The following POGLUT1 variants were observed in gnomAD, a reference collection of about 807,000 sequenced individuals.
POGLUT1 encodes the protein 9630046K23Rik.
In POGLUT1, 32 loss-of-function variants were observed where a neutral mutation model predicts 61.3. The observed-to-expected ratio is 0.52, with a 90% confidence interval of 0.39 to 0.70. POGLUT1 has a LOEUF of 0.70. Among genes scored for constraint, POGLUT1 ranks in the 30% least tolerant of loss-of-function variants. The pLI, the probability that POGLUT1 is intolerant of heterozygous loss-of-function variation, is 0.00. For missense variants in POGLUT1, 411 were observed against 469.8 expected (o/e 0.87, Z 1.16); for synonymous variants, 158 against 158.2 (o/e 1.00, Z 0.01).
chr3:119,481,320 T>C (rs755303803), intron 5 of POGLUT1, among the ~76,000 whole-genome samples: 20 of 152,180 alleles, frequency 1.3e-4, no homozygotes, highest in Non-Finnish European at 2.2e-4. Flanking sequence ...GAATTTAGAT[T>C]GTGTAGCTCA....
chr3:119,490,254 C>T, intron 8 of POGLUT1: 1 of 301,548 alleles, frequency 3.3e-6, no homozygotes, highest in Non-Finnish European at 6.2e-6. Flanking sequence ...TCCTTCTGAG[C>T]CCTGTATACA....
At chr3:119,486,735 G>A in intron 6 of POGLUT1, 98 bp from the exon 7 acceptor site, 1 of 813,656 alleles carries the variant, frequency 1.2e-6, no homozygotes, top group Non-Finnish European at 2.1e-6. Context: ...CTTGTGCAGA[G>A]TCATTGCATT....
At chr3:119,481,675 C>G (rs111663422) in intron 5 of POGLUT1, among the ~76,000 whole-genome samples, 4,078 of 152,272 alleles carry the variant, frequency 0.027, 93 homozygotes, top group Middle Eastern at 0.085. Context: ...AGAACTGGAA[C>G]TAGAAATTGT....
intron 3 of POGLUT1, among the ~76,000 whole-genome samples, chr3:119,472,218 T>G (rs2081482868): frequency 6.6e-6 from 1 of 151,076 alleles, no homozygotes; most frequent in Admixed American, 6.6e-5. Context: ...TTTTTTTAAC[T>G]CAGATCTTTA....
chr3:119,492,333 C>T lies in POGLUT1; in HGVS notation c.1074C>T (p.Tyr358=), dbSNP rs764064037. The change falls in exon 11 of 11, where the codon TAC becomes TAT. Residue 358 remains tyrosine, a synonymous_variant. Transcript: ENST00000295588. ...NHLQMDDITC[Y]WENLLSEYSK... ...TGCAGATGGATGACATCACCTGTTA[C>T]TGGGAGAACCTCTTGAGTGAATACT... 1.2e-6 allele frequency: 2 copies of T among 1,610,166 alleles called. No homozygotes were observed. The highest frequency in any genetic ancestry group is 2.2e-5 in the South Asian group (2 of 90,806).
At chr3:119,473,118 A>G (rs1316570523) in intron 3 of POGLUT1, among the ~76,000 whole-genome samples, 2 of 152,224 alleles carry the variant, frequency 1.3e-5, no homozygotes, top group East Asian at 1.9e-4. Context: ...CCCTTTGGCT[A>G]TCAGATATCG....
Position 119,468,975 on chromosome 3 carries a change from G to A in POGLUT1, c.-47G>A. The A allele has an allele frequency of 6.5e-7, 1 of 1,533,290 alleles. No individual in the cohort carries two copies. Among genetic ancestry groups the A allele is most frequent in the Non-Finnish European group, 8.9e-7 (1 of 1,126,640 alleles). 95.0% of individuals were successfully genotyped at this position (1,533,290 alleles called of 1,614,324 possible). On this transcript the variant is annotated 5_prime_UTR_variant, in exon 1 of 11. Coordinates refer to ENST00000295588, the MANE Select transcript of POGLUT1 (RefSeq NM_152305.3). ...CCGGGCCATCTTTGTGCGGGGCCGC[G>A]CTTCCGCCAGCGCCGCAGCGGGGAA...
chr3:119,473,187 C>G (rs756404898), intron 3 of POGLUT1, among the ~76,000 whole-genome samples: 1 of 152,160 alleles, frequency 6.6e-6, no homozygotes, highest in Non-Finnish European at 1.5e-5. Context: ...ACATTTGTTT[C>G]ATTATTTGGA....
intron 8 of POGLUT1, chr3:119,490,085 TG>T (rs1410323717): frequency 6.4e-6 from 1 of 157,018 alleles, no homozygotes; most frequent in Non-Finnish European, 1.4e-5. Context: ...TTCGACCAGA[TG>T]GGGTACACTA....
intron 4 of POGLUT1, among the ~76,000 whole-genome samples, chr3:119,479,258 A>T (rs1480650464): frequency 6.6e-6 from 1 of 152,064 alleles, no homozygotes; most frequent in African/African-American, 2.4e-5. Context: ...ATATGTGATA[A>T]CACCCCTTCT....
chr3:119,483,655 T>TAGG (rs1202784060), intron 5 of POGLUT1, among the ~76,000 whole-genome samples: 1 of 152,232 alleles, frequency 6.6e-6, no homozygotes, highest in Non-Finnish European at 1.5e-5. Flanking sequence ...TGACCTCTGT[T>TAGG]ACATAGAGCA....
At chr3:119,478,425 T>G (rs2081565948) in intron 4 of POGLUT1, 3 of 456,570 alleles carry the variant, frequency 6.6e-6, no homozygotes, top group Non-Finnish European at 1.3e-5. Context: ...AGTGTTTGGT[T>G]CCATTGTTTG....
intron 5 of POGLUT1, among the ~76,000 whole-genome samples, chr3:119,484,738 A>G (rs1216174771): frequency 6.6e-6 from 1 of 152,210 alleles, no homozygotes; most frequent in Non-Finnish European, 1.5e-5. Flanking sequence ...CAAATTATAA[A>G]CAGACCTAAT....
intron 3 of POGLUT1, among the ~76,000 whole-genome samples, chr3:119,472,201 T>G (rs2081482141): frequency 6.7e-6 from 1 of 149,576 alleles, no homozygotes; most frequent in Admixed American, 6.7e-5. Flanking sequence ...TTTTGGAGTT[T>G]GTTTTTTTTT....
intron 1 of POGLUT1, 72 bp from the exon 2 acceptor site, chr3:119,469,748 T>A: frequency 3.9e-6 from 3 of 759,878 alleles, no homozygotes; most frequent in Non-Finnish European, 7.0e-6. Context: ...TTCTGTTTCT[T>A]CTGTTGGTGT....
rs550944082 is a variant in POGLUT1, at chr3:119,486,893, T to C, written c.699T>C (p.Asp233=). Residue 233 remains aspartate, a synonymous_variant, in exon 7 of 11, where the codon GAT becomes GAC. Transcript: ENST00000295588. ...CTCGGAAAAACCCAAAACTTGTTGA[T>C]GCAGAATACACCAAAAACCAGGCCT... ...LLSRKNPKLV[D]AEYTKNQAWK... 6 of 1,613,746 alleles carry C rather than the reference T, an allele frequency of 3.7e-6. 1 individual carries two copies. In the African/African-American group the frequency reaches 4.0e-5, roughly 11 times the overall value.
chr3:119,481,493 C>T (rs1375681412), intron 5 of POGLUT1, among the ~76,000 whole-genome samples: 3 of 152,234 alleles, frequency 2.0e-5, no homozygotes, highest in Non-Finnish European at 2.9e-5. Context: ...CCTATCACCT[C>T]TCCCAAGTGT....
intron 7 of POGLUT1, chr3:119,488,397 G>C (rs2081697454): frequency 6.6e-6 from 1 of 152,080 alleles, no homozygotes. Flanking sequence ...GTTAATAAGA[G>C]CCCAGTTTGC....
At position 119,469,559 on chromosome 3, in the gene POGLUT1, A is replaced by C. The variant is rs537161396; in HGVS notation, c.86-261A>C. On this transcript the variant is annotated intron_variant, in intron 1 of 10. Coordinates refer to ENST00000295588, the MANE Select transcript of POGLUT1 (RefSeq NM_152305.3). ...GTAGAAAGTGAGAGTCCGCGTCACT[A>C]TCCATAGCATTCTGAGGGTTGAGCA... Among the ~76,000 whole-genome samples, 38 of 152,340 alleles carry C rather than the reference A, an allele frequency of 2.5e-4. No homozygotes were observed. In the South Asian group the frequency reaches 7.2e-3, roughly 29 times the overall value.
Sources: gnomAD v4.1 joint callset for allele counts (sites outside exome capture counted in the v4.1 genomes callset) on GRCh38, gnomAD v4.1.1 for gene constraint, MANE v1.5 for transcripts, NCBI Gene and HGNC (gene_info 2026-07-23, HGNC 2026-07-21) for gene names.